SLC14A2: variants seen among roughly 807,000 people sequenced by gnomAD.
SLC14A2 encodes urea transporter 2.
A neutral mutation model predicts 104.6 loss-of-function variants in SLC14A2; 91 were observed. The ratio of observed to expected loss-of-function variants is 0.87; its 90% CI spans 0.73 to 1.04. The LOEUF (loss-of-function observed/expected upper bound fraction) is 1.04. Ranked by LOEUF, SLC14A2 falls within the 50% of genes least tolerant of loss-of-function variation. The probability of loss-of-function intolerance (pLI) is 0.00; values close to 1 mark genes in which losing one functional copy is unlikely to be tolerated. For missense variants in SLC14A2, 1,189 were observed against 1,156.0 expected, an observed-to-expected ratio of 1.03 and a Z score of -0.41; for synonymous variants, 476 against 466.4, an observed-to-expected ratio of 1.02 and a Z score of -0.27.
chr18:45,650,590 G>A (rs1202169958), intron 10 of SLC14A2, among the ~76,000 whole-genome samples: 1 of 152,198 alleles, frequency 6.6e-6, no homozygotes, highest in Non-Finnish European at 1.5e-5. Flanking sequence ...AACCAGGAAA[G>A]AATCAGACCA....
chr18:45,558,532 G>C (rs775773021), intron 2 of SLC14A2, among the ~76,000 whole-genome samples: 1 of 152,144 alleles, frequency 6.6e-6, no homozygotes, highest in Non-Finnish European at 1.5e-5. Context: ...GTGTAGAGCA[G>C]AGAAGAAACC....
intron 2 of SLC14A2, among the ~76,000 whole-genome samples, chr18:45,588,525 T>C (rs1165628835): frequency 6.6e-6 from 1 of 152,250 alleles, no homozygotes; most frequent in Non-Finnish European, 1.5e-5. Context: ...CCTTAAGTCA[T>C]GTGACATCCA....
At chr18:45,609,357 A>G (rs895650098) in intron 2 of SLC14A2, among the ~76,000 whole-genome samples, 19 of 110,758 alleles carry the variant, frequency 1.7e-4, no homozygotes, top group Non-Finnish European at 3.3e-4. Context: ...CTTTGTGCCA[A>G]TCATAACTAC....
At chr18:45,561,491 G>GTGTC (rs1180929996) in intron 2 of SLC14A2, among the ~76,000 whole-genome samples, 2 of 152,190 alleles carry the variant, frequency 1.3e-5, no homozygotes, top group African/African-American at 4.8e-5. Flanking sequence ...CTGGGAAAGG[G>GTGTC]TGTCCAGTCT....
intron 1 of SLC14A2, among the ~76,000 whole-genome samples, chr18:45,381,217 G>A (rs1196775300): frequency 2.0e-5 from 3 of 152,212 alleles, no homozygotes; most frequent in Non-Finnish European, 4.4e-5. Context: ...CTCTGGTAGG[G>A]CAGAATCTGG....
At chr18:45,666,796 A>G in intron 12 of SLC14A2, 139 bp from the exon 13 acceptor site, 1 of 677,972 alleles carries the variant, frequency 1.5e-6, no homozygotes, top group East Asian at 2.7e-5. Context: ...TCTAATCTAC[A>G]GAAACAGGGA....
chr18:45,202,537 C>T, the SLC14A2 span, among the ~76,000 whole-genome samples: 13 of 151,912 alleles, frequency 8.6e-5, no homozygotes, highest in East Asian at 7.7e-4. Context: ...ATTTTTGTTT[C>T]GTTTTGTGAT....
At chr18:45,430,571 T>G (rs2086499128) in intron 1 of SLC14A2, among the ~76,000 whole-genome samples, 1 of 151,586 alleles carries the variant, frequency 6.6e-6, no homozygotes, top group South Asian at 2.1e-4. Flanking sequence ...TTTATTTTAT[T>G]ATTTTATTTT....
upstream of SLC14A2, among the ~76,000 whole-genome samples, chr18:45,614,637 T>C (rs2045029199): frequency 6.6e-6 from 1 of 152,034 alleles, no homozygotes; most frequent in Admixed American, 6.6e-5. Context: ...TCAAAGGAGA[T>C]TATTTTTGAG....
At chr18:45,662,368 G>T (rs2045949568) in intron 10 of SLC14A2, among the ~76,000 whole-genome samples, 1 of 152,162 alleles carries the variant, frequency 6.6e-6, no homozygotes, top group East Asian at 1.9e-4. Flanking sequence ...CCCTCTTGTT[G>T]TTGGCCCTGC....
intron 1 of SLC14A2, among the ~76,000 whole-genome samples, chr18:45,377,330 C>G (rs2085786344): frequency 6.6e-6 from 1 of 152,018 alleles, no homozygotes; most frequent in Non-Finnish European, 1.5e-5. Context: ...GATCCCCACA[C>G]TCAATCCCTT....
At chr18:45,168,315 G>C in the SLC14A2 span, among the ~76,000 whole-genome samples, 2 of 152,096 alleles carry the variant, frequency 1.3e-5, no homozygotes, top group South Asian at 2.1e-4. Context: ...ATGATTTCTA[G>C]TATGAAATTT....
At chr18:45,306,618 C>T (rs2144204136) in intron 1 of SLC14A2, among the ~76,000 whole-genome samples, 1 of 152,164 alleles carries the variant, frequency 6.6e-6, no homozygotes, top group Non-Finnish European at 1.5e-5. Flanking sequence ...ATGTAAAAAC[C>T]ATTCTCATGA....
intron 1 of SLC14A2, among the ~76,000 whole-genome samples, chr18:45,386,426 A>G (rs2085897292): frequency 6.6e-6 from 1 of 152,162 alleles, no homozygotes; most frequent in Admixed American, 6.5e-5. Context: ...TTGCAAAACC[A>G]AAGCCAGCCA....
chr18:45,189,767 A>G, the SLC14A2 span, among the ~76,000 whole-genome samples: 2 of 152,236 alleles, frequency 1.3e-5, no homozygotes, highest in African/African-American at 2.4e-5. Flanking sequence ...CCAGTCATCC[A>G]TGTGGGGGGA....
At chr18:45,446,218 T>C (rs2086766815) in intron 1 of SLC14A2, among the ~76,000 whole-genome samples, 1 of 152,230 alleles carries the variant, frequency 6.6e-6, no homozygotes, top group Non-Finnish European at 1.5e-5. Flanking sequence ...AAGATCATTG[T>C]TATGGATAGA....
At position 45,236,425 on chromosome 18, in the gene SLC14A2, A is replaced by G. The variant is rs1343523469; in HGVS notation, c.-125+23234A>G. 2.9e-4 allele frequency among the ~76,000 whole-genome samples: 8 copies of G among 27,870 alleles called. 1 individual carries two copies. The South Asian group carries it at 6.7e-3, about 23-fold the overall frequency. The allele number at this position is 27,870 out of a possible 152,430, so 18.3% of individuals were successfully genotyped here. A position where few individuals can be genotyped will look rare whatever the true frequency, so the allele number is the denominator to read the frequency against. On this transcript the variant is annotated intron_variant, in intron 1 of 20. Coordinates refer to the SLC14A2 transcript ENST00000586448. ...TGTGTATATATACATGTATGTGTGT[A>G]TATATGTGTATATATACATGTATGT...
chr18:45,553,532 G>A (rs2044084795), intron 2 of SLC14A2, among the ~76,000 whole-genome samples: 1 of 152,158 alleles, frequency 6.6e-6, no homozygotes, highest in Non-Finnish European at 1.5e-5. Context: ...GAGATTGTAA[G>A]CAAAATGCCT....
chr18:45,668,081 C>A, intron 14 of SLC14A2, 59 bp downstream of exon 14: 4 of 1,484,350 alleles, frequency 2.7e-6, no homozygotes, highest in Non-Finnish European at 3.7e-6. Context: ...CCCATGGGGA[C>A]CATTCTTCCT....
Sources: allele counts gnomAD v4.1 joint callset (sites outside exome capture counted in the v4.1 genomes callset), GRCh38; gene constraint gnomAD v4.1.1; transcripts MANE v1.5; gene names NCBI Gene and HGNC (gene_info 2026-07-23, HGNC 2026-07-21).